CAMK2B: variants seen among roughly 807,000 people sequenced by gnomAD.
CAMK2B encodes calcium/calmodulin dependent protein kinase II beta, also known as calcium/calmodulin-dependent protein kinase type II subunit beta.
A neutral mutation model predicts 93.7 loss-of-function variants in CAMK2B; 27 were observed. The ratio of observed to expected loss-of-function variants is 0.29; its 90% CI spans 0.21 to 0.40. The LOEUF is 0.40. Among genes scored for constraint, CAMK2B ranks in the 10% least tolerant of loss-of-function variants. CAMK2B has a pLI of 1.00. For synonymous variants in CAMK2B, 374 were observed against 358.8 expected, an observed-to-expected ratio of 1.04 and a Z score of -0.48; for missense variants, 568 against 895.8, an observed-to-expected ratio of 0.63 and a Z score of 4.67.
intron 5 of CAMK2B, among the ~76,000 whole-genome samples, chr7:44,253,313 A>G (rs1161191777): frequency 2.0e-5 from 3 of 150,982 alleles, no homozygotes; most frequent in African/African-American, 4.9e-5. Flanking sequence ...TCCTGGGTTC[A>G]AGCAATTCTC....
chr7:44,220,945 TC>T, intron 20 of CAMK2B, 44 bp from the exon 21 acceptor site: 12 of 1,519,694 alleles, frequency 7.9e-6, no homozygotes, highest in Non-Finnish European at 5.4e-6. Context: ...GCTGGCCCAT[TC>T]CCCCCGGACC....
intron 5 of CAMK2B, 93 bp downstream of exon 5, chr7:44,254,449 C>T (rs1482279828): frequency 2.5e-5 from 23 of 904,922 alleles, no homozygotes; most frequent in Non-Finnish European, 3.3e-5. Flanking sequence ...CAGCACCAGA[C>T]GTGGGTTAGA....
intron 1 of CAMK2B, among the ~76,000 whole-genome samples, chr7:44,290,845 C>T (rs558726811): frequency 2.6e-5 from 4 of 152,172 alleles, no homozygotes; most frequent in East Asian, 1.9e-4. Context: ...ACAAAACTCA[C>T]GTTCACAGTA....
At chr7:44,243,021 C>G (rs2096696644) in intron 8 of CAMK2B, among the ~76,000 whole-genome samples, 1 of 152,338 alleles carries the variant, frequency 6.6e-6, no homozygotes, top group African/African-American at 2.4e-5. Flanking sequence ...CTGCTGAGCG[C>G]AGGCGAGCAC....
intron 2 of CAMK2B, among the ~76,000 whole-genome samples, chr7:44,264,326 G>T (rs1450830178): frequency 6.6e-6 from 1 of 152,174 alleles, no homozygotes. Flanking sequence ...GTCATGTCTG[G>T]GGTTAATTCC....
In CAMK2B at chr7:44,257,064, G is replaced by T. The variant is rs553264519; in HGVS notation, c.275+1808C>A. On this transcript the variant is annotated intron_variant, in intron 4 of 23. Coordinates refer to ENST00000395749, the MANE Select transcript of CAMK2B (RefSeq NM_001220.5). ...GGAGCTTCTGTCCTCTGGGCGTGCA[G>T]GTGTGTGTGAGACCCTCTACTCCCA... 3.9e-5 allele frequency among the ~76,000 whole-genome samples: 6 copies of T among 152,298 alleles called. No homozygotes were observed. In the East Asian group the frequency reaches 1.2e-3, roughly 29 times the overall value.
At chr7:44,288,186 C>G (rs1457040407) in intron 1 of CAMK2B, among the ~76,000 whole-genome samples, 1 of 152,190 alleles carries the variant, frequency 6.6e-6, no homozygotes, top group Non-Finnish European at 1.5e-5. Flanking sequence ...AGGGGGTACC[C>G]CAAGTAAATA....
intron 2 of CAMK2B, among the ~76,000 whole-genome samples, chr7:44,277,247 C>G (rs1007915272): frequency 6.6e-6 from 1 of 152,154 alleles, no homozygotes; most frequent in African/African-American, 2.4e-5. Flanking sequence ...TCTTTACCCC[C>G]GTCAATTAAT....
chr7:44,323,060 C>G (rs573403159), intron 1 of CAMK2B, among the ~76,000 whole-genome samples: 5 of 152,220 alleles, frequency 3.3e-5, no homozygotes, highest in Admixed American at 6.5e-5. Context: ...CCTTAGGTGC[C>G]CTGCTCTGCC....
Position 44,239,509 on chromosome 7 carries a change from C to T in CAMK2B, c.1021+80G>A, listed in dbSNP as rs184557970. On this transcript the variant is annotated intron_variant, in intron 13 of 23. Coordinates refer to ENST00000395749, the MANE Select transcript of CAMK2B (RefSeq NM_001220.5). ...TGGGGCGGCTCTGGAGCCCGGCCAG[C>T]GGCTGCGTGCAGCAGGGGGCTGCAT... 9.0e-4 allele frequency: 1,207 copies of T among 1,337,074 alleles called. 1 individual carries two copies. Among genetic ancestry groups the T allele is most frequent in the Non-Finnish European group, 1.2e-3 (1,130 of 965,616 alleles). The allele number at this position is 1,337,074 out of a possible 1,614,324, so 82.8% of individuals were successfully genotyped here. A position where few individuals can be genotyped will look rare whatever the true frequency, so the allele number is the denominator to read the frequency against.
intron 21 of CAMK2B, 50 bp from the exon 22 acceptor site, chr7:44,220,760 A>G: frequency 6.4e-7 from 1 of 1,571,084 alleles, no homozygotes; most frequent in Non-Finnish European, 8.6e-7. Context: ...CCTGACTCTG[A>G]GCAGGCCCCC....
intron 1 of CAMK2B, among the ~76,000 whole-genome samples, chr7:44,288,430 A>G (rs10046463): frequency 0.3 from 45,916 of 152,118 alleles, 7,936 homozygotes; most frequent in Non-Finnish European, 0.39. Context: ...GGCAGGAAAA[A>G]GCCGGAAGAG....
chr7:44,288,764 T>C (rs1785849088), intron 1 of CAMK2B, among the ~76,000 whole-genome samples: 2 of 152,014 alleles, frequency 1.3e-5, no homozygotes, highest in Admixed American at 6.5e-5. Flanking sequence ...TAGTTCTGGG[T>C]GGGAATGGAG....
intron 20 of CAMK2B, chr7:44,226,005 C>T: frequency 9.7e-7 from 1 of 1,030,960 alleles, no homozygotes; most frequent in Non-Finnish European, 1.3e-6. Context: ...CGCTCTGTTT[C>T]AGCCTGGCCC....
At chr7:44,232,023 C>G (rs564586710) in intron 16 of CAMK2B, among the ~76,000 whole-genome samples, 1 of 152,216 alleles carries the variant, frequency 6.6e-6, no homozygotes, top group Non-Finnish European at 1.5e-5. Context: ...CAGACACACA[C>G]GGGTCCCAGG....
intron 2 of CAMK2B, among the ~76,000 whole-genome samples, chr7:44,278,205 C>A (rs1262760713): frequency 6.6e-6 from 1 of 152,160 alleles, no homozygotes; most frequent in Non-Finnish European, 1.5e-5. Flanking sequence ...GTTGGGTGGG[C>A]CAGACGACAC....
In CAMK2B at chr7:44,225,739, C is replaced by A; in HGVS notation, c.1597+777G>T. On this transcript the variant is annotated intron_variant, in intron 20 of 23. Transcript: ENST00000395749. The surrounding 1 kb of genome is among the most constrained non-coding windows in gnomAD (Gnocchi z 5.0). ...GCAGAGGGGACGGTGGCAAGCAGAC[C>A]CCACCTGTCCCTCAAGTACTTACCT... is the stretch of plus-strand genomic sequence containing the variant. 7.8e-7 allele frequency: 1 copy of A among 1,289,356 alleles called. No individual in the cohort carries two copies. The highest frequency in any genetic ancestry group is 1.0e-6 in the Non-Finnish European group (1 of 988,702). 79.9% of individuals were successfully genotyped at this position (1,289,356 alleles called of 1,614,324 possible).
chr7:44,324,137 C>T (rs1395444480), intron 1 of CAMK2B, among the ~76,000 whole-genome samples: 5 of 152,244 alleles, frequency 3.3e-5, no homozygotes, highest in Admixed American at 1.3e-4. Flanking sequence ...CCACACTCCT[C>T]CAGCTCCGCA....
intron 1 of CAMK2B, among the ~76,000 whole-genome samples, chr7:44,306,366 T>C (rs944815056): frequency 2.5e-4 from 38 of 152,186 alleles, no homozygotes; most frequent in Admixed American, 2.5e-3. Context: ...GTGAACCATA[T>C]CCTCCAGAAA....
Sources: allele counts gnomAD v4.1 joint callset (sites outside exome capture counted in the v4.1 genomes callset), GRCh38; gene constraint gnomAD v4.1.1; non-coding constraint Gnocchi (gnomAD v3.1); transcripts MANE v1.5; gene names NCBI Gene and HGNC (gene_info 2026-07-23, HGNC 2026-07-21).